The following CADM2 variants were observed in gnomAD, a reference collection of about 807,000 sequenced individuals.
CADM2 encodes immunoglobulin superfamily member 4D.
CADM2 carries 12 observed loss-of-function variants against 49.8 expected under a neutral mutation model. The observed-to-expected ratio is 0.24, with a 90% CI of 0.15 to 0.39. The LOEUF is 0.39. Ranked by LOEUF, CADM2 falls within the 10% of genes least tolerant of loss-of-function variation. The probability of loss-of-function intolerance (pLI) is 1.00; values close to 1 mark genes in which losing one functional copy is unlikely to be tolerated. For synonymous variants in CADM2, 214 were observed against 175.4 expected (o/e 1.22, Z -1.74); for missense variants, 378 against 492.3 (o/e 0.77, Z 2.20).
intron 1 of CADM2, among the ~76,000 whole-genome samples, chr3:85,292,022 G>C (rs2043812882): frequency 6.6e-6 from 1 of 151,906 alleles, no homozygotes; most frequent in African/African-American, 2.4e-5. Context: ...AGACCCATCA[G>C]TGTGCTGTAT....
At chr3:86,055,619 A>G (rs1261995427) in intron 8 of CADM2, among the ~76,000 whole-genome samples, 1 of 151,854 alleles carries the variant, frequency 6.6e-6, no homozygotes, top group Non-Finnish European at 1.5e-5. Context: ...AGGGCATGCC[A>G]CCATGCCTGG....
chr3:85,044,901 A>T (rs10433523), intron 1 of CADM2, among the ~76,000 whole-genome samples: 83,441 of 150,876 alleles, frequency 0.55, 24,058 homozygotes, highest in Non-Finnish European at 0.64. Context: ...TGTTTCCAAC[A>T]TTCTTCAAAA....
In CADM2 at chr3:85,009,940, C is replaced by T. The variant is rs550994695; in HGVS notation, c.61+50272C>T. On this transcript the variant is annotated intron_variant, in intron 1 of 9. Coordinates refer to ENST00000383699, the MANE Select transcript of CADM2 (RefSeq NM_001167675.2). Reference sequence around the variant, plus strand: ...AAAAATAAATAAAATTTGTTGTAAGCTAAATAAGATAAAGGATATTATATA... The same window carrying T: ...AAAAATAAATAAAATTTGTTGTAAGTTAAATAAGATAAAGGATATTATATA... 3.3e-5 allele frequency among the ~76,000 whole-genome samples: 5 copies of T among 150,670 alleles called. No individual in the cohort carries two copies. In the South Asian group the frequency reaches 6.3e-4, roughly 19 times the overall value.
At chr3:85,680,867 C>T (rs1415684938) in intron 1 of CADM2, among the ~76,000 whole-genome samples, 1 of 152,130 alleles carries the variant, frequency 6.6e-6, no homozygotes, top group Non-Finnish European at 1.5e-5. Context: ...TTCCTTTGCT[C>T]TCTTGCCACC....
intron 1 of CADM2, among the ~76,000 whole-genome samples, chr3:85,554,891 T>G (rs76084961): frequency 0.51 from 76,765 of 150,056 alleles, 22,714 homozygotes; most frequent in East Asian, 0.85. Context: ...TATTTTTTTT[T>G]TTTTTGTGCA....
chr3:85,661,836 C>T (rs1288208657), intron 1 of CADM2, among the ~76,000 whole-genome samples: 1 of 151,860 alleles, frequency 6.6e-6, no homozygotes, highest in African/African-American at 2.4e-5. Flanking sequence ...TTAACTTTTA[C>T]CTTATTAGTC....
intron 1 of CADM2, among the ~76,000 whole-genome samples, chr3:85,550,925 C>G (rs1357843055): frequency 6.6e-6 from 1 of 152,036 alleles, no homozygotes; most frequent in Non-Finnish European, 1.5e-5. Context: ...TTTTTTACTT[C>G]TTTACTGAAC....
chr3:85,486,020 C>T (rs990855619), intron 1 of CADM2, among the ~76,000 whole-genome samples: 3 of 151,978 alleles, frequency 2.0e-5, no homozygotes, highest in South Asian at 4.1e-4. Context: ...AGTTAAGAAC[C>T]GAGTAGCAGA....
chr3:85,342,153 A>T (rs183394045), intron 1 of CADM2, among the ~76,000 whole-genome samples: 31 of 152,320 alleles, frequency 2.0e-4, no homozygotes, highest in African/African-American at 7.0e-4. Context: ...AAAGATATTT[A>T]AAAAATTTAC....
chr3:85,173,585 G>A (rs1018436694), intron 1 of CADM2, among the ~76,000 whole-genome samples: 3 of 152,056 alleles, frequency 2.0e-5, no homozygotes, highest in African/African-American at 7.2e-5. Flanking sequence ...TCCTATACAC[G>A]TATACAAGTA....
At chr3:86,002,008 G>C (rs74775913) in intron 8 of CADM2, among the ~76,000 whole-genome samples, 1 of 152,034 alleles carries the variant, frequency 6.6e-6, no homozygotes. Flanking sequence ...ACCAGTGGAT[G>C]GGAACAGATG....
chr3:85,707,630 G>A (rs534749749), intron 1 of CADM2, among the ~76,000 whole-genome samples: 3 of 152,130 alleles, frequency 2.0e-5, no homozygotes, highest in African/African-American at 7.2e-5. Context: ...AAGTAGTGAT[G>A]TAAAAACACG....
intron 5 of CADM2, among the ~76,000 whole-genome samples, chr3:85,908,742 T>G (rs1237841822): frequency 2.2e-5 from 3 of 138,626 alleles, no homozygotes; most frequent in Admixed American, 7.3e-5. Flanking sequence ...TTTTTTTTTT[T>G]GAGATGGAAT....
At chr3:85,292,678 C>G (rs1409714827) in intron 1 of CADM2, among the ~76,000 whole-genome samples, 2 of 151,628 alleles carry the variant, frequency 1.3e-5, no homozygotes, top group Non-Finnish European at 3.0e-5. Flanking sequence ...ACAACCTGCT[C>G]CTGAATGACT....
intron 1 of CADM2, among the ~76,000 whole-genome samples, chr3:85,054,608 A>T (rs2036007356): frequency 6.6e-6 from 1 of 152,010 alleles, no homozygotes; most frequent in East Asian, 1.9e-4. Flanking sequence ...AATTGTTTGA[A>T]ACAAAGTTGG....
intron 6 of CADM2, among the ~76,000 whole-genome samples, chr3:85,917,570 G>T (rs948002309): frequency 6.6e-6 from 1 of 152,094 alleles, no homozygotes; most frequent in African/African-American, 2.4e-5. Context: ...GGTTACTGTA[G>T]CCTTGTAGTA....
chr3:85,758,380 A>G (rs1050870117), intron 2 of CADM2, among the ~76,000 whole-genome samples: 3 of 152,162 alleles, frequency 2.0e-5, no homozygotes, highest in South Asian at 2.1e-4. Flanking sequence ...AAACTCAATG[A>G]GAAACATGAC....
chr3:85,377,642 C>G (rs548453483), intron 1 of CADM2, among the ~76,000 whole-genome samples: 1 of 152,022 alleles, frequency 6.6e-6, no homozygotes, highest in African/African-American at 2.4e-5. Context: ...TGCTTTAAAA[C>G]AGTTTATTGC....
chr3:85,744,564 A>T (rs2068532643), intron 2 of CADM2, among the ~76,000 whole-genome samples: 2 of 152,166 alleles, frequency 1.3e-5, no homozygotes, highest in African/African-American at 4.8e-5. Flanking sequence ...TAAATGAAAT[A>T]CTCGGGGTAA....
Sources: allele counts gnomAD v4.1 joint callset (sites outside exome capture counted in the v4.1 genomes callset), GRCh38; gene constraint gnomAD v4.1.1; transcripts MANE v1.5; gene names NCBI Gene and HGNC (gene_info 2026-07-23, HGNC 2026-07-21).